SIGLECL1: variants seen among roughly 807,000 people sequenced by gnomAD.
SIGLECL1 encodes the protein SIGLEC family-like protein 1.
A neutral mutation model predicts 19.1 loss-of-function variants in SIGLECL1; 16 were observed. The ratio of observed to expected loss-of-function variants is 0.84; its 90% confidence interval spans 0.57 to 1.27. The LOEUF (loss-of-function observed/expected upper bound fraction) is 1.27, where lower values mean the gene tolerates loss of function less well. Among genes scored for constraint, SIGLECL1 ranks in the 50% most tolerant of loss-of-function variants. The pLI, the probability that SIGLECL1 is intolerant of heterozygous loss-of-function variation, is 0.00. For synonymous variants in SIGLECL1, 89 were observed against 90.4 expected (o/e 0.98, Z 0.09); for missense variants, 210 against 239.4 (o/e 0.88, Z 0.81).
chr19:51,265,719 A>T (rs1983605488), intron 3 of SIGLECL1, 58 bp from the exon 4 acceptor site: 9 of 1,613,314 alleles, frequency 5.6e-6, no homozygotes, highest in Non-Finnish European at 6.8e-6. Context: ...CTGGGGCTAG[A>T]GAATGGAGCA....
At chr19:51,266,587 T>C (rs1231590524) in intron 4 of SIGLECL1, among the ~76,000 whole-genome samples, 1 of 152,140 alleles carries the variant, frequency 6.6e-6, no homozygotes, top group African/African-American at 2.4e-5. Context: ...TATCTAACCT[T>C]TGTATGCAGA....
In SIGLECL1 at chr19:51,268,775, T is replaced by C; in HGVS notation, c.*178T>C. ...CACATCCCTTAACACTCATTCTCCATTGAATAGGTGGTTACTCTTAGACCT... is the reference window on the plus strand; with the variant it reads ...CACATCCCTTAACACTCATTCTCCACTGAATAGGTGGTTACTCTTAGACCT... On this transcript the variant is annotated 3_prime_UTR_variant, in exon 6 of 6. Transcript: ENST00000601727. 1 of 611,516 alleles carries C rather than the reference T, an allele frequency of 1.6e-6. No homozygotes were observed. The highest frequency in any genetic ancestry group is 2.9e-6 in the Non-Finnish European group (1 of 347,254). The allele number at this position is 611,516 out of a possible 1,614,324, so 37.9% of individuals were successfully genotyped here. A position where few individuals can be genotyped will look rare whatever the true frequency, so the allele number is the denominator to read the frequency against.
At chr19:51,252,867 G>A (rs1336716497) in intron 1 of SIGLECL1, among the ~76,000 whole-genome samples, 1 of 152,116 alleles carries the variant, frequency 6.6e-6, no homozygotes, top group East Asian at 1.9e-4. Context: ...GTTCACGGCT[G>A]CAATCCCAGC....
At chr19:51,267,715 G>A (rs1388688319) in intron 5 of SIGLECL1, among the ~76,000 whole-genome samples, 186 bp downstream of exon 5, 1 of 152,092 alleles carries the variant, frequency 6.6e-6, no homozygotes, top group Non-Finnish European at 1.5e-5. Flanking sequence ...AAGGATGAAA[G>A]TTAAGAGAAA....
At position 51,265,869 on chromosome 19, in the gene SIGLECL1, C is replaced by G. The variant is rs1443670209; in HGVS notation, c.397C>G (p.Leu133Val). The G allele has an allele frequency of 6.2e-7, 1 of 1,614,036 alleles. No homozygotes were observed. Among genetic ancestry groups the G allele is most frequent in the Admixed American group, 1.7e-5 (1 of 60,004 alleles). Residue 133 changes from leucine (L) to valine (V), a missense_variant, in exon 4 of 6, where the codon CTC becomes GTC. By Grantham distance (32) the Leu-to-Val change is conservative (BLOSUM62 1). Coordinates refer to ENST00000601727, the MANE Select transcript of SIGLECL1 (RefSeq NM_001385465.1). ...GIVIALLFLCLLPLIVKHIRK... is the reference protein window; with the variant it reads ...GIVIALLFLCVLPLIVKHIRK... ...TGTAATTGCGCTGCTCTTCCTCTGC[C>G]TCCTCCCTCTCATGTGAGTACTAGG...
intron 2 of SIGLECL1, 40 bp downstream of exon 2, chr19:51,264,134 A>C (rs1359903255): frequency 6.2e-7 from 1 of 1,613,216 alleles, no homozygotes. Context: ...TGTGTTTGGA[A>C]GCCAAGACTC....
Position 51,262,824 on chromosome 19 carries a change from A to G in SIGLECL1, c.-190-1059A>G, listed in dbSNP as rs554193355. Among the ~76,000 whole-genome samples, 11 of 152,286 alleles carry G rather than the reference A, an allele frequency of 7.2e-5. No homozygotes were observed. The South Asian group carries it at 2.1e-3, about 29-fold the overall frequency. Reference sequence around the variant, plus strand: ...TTTTTCTAACCATATAGCCTGTCCCATTGGTATTTTTATTTATCCTTGTGT... The same window carrying G: ...TTTTTCTAACCATATAGCCTGTCCCGTTGGTATTTTTATTTATCCTTGTGT... On this transcript the variant is annotated intron_variant, in intron 1 of 5. Coordinates refer to ENST00000601727, the MANE Select transcript of SIGLECL1 (RefSeq NM_001385465.1).
At chr19:51,254,642 G>T (rs1017816230) in intron 1 of SIGLECL1, among the ~76,000 whole-genome samples, 8 of 152,070 alleles carry the variant, frequency 5.3e-5, no homozygotes, top group African/African-American at 1.7e-4. Flanking sequence ...TGGAGTTGGG[G>T]TTTGGGGAAA....
In SIGLECL1 at chr19:51,265,528, G is replaced by T. The variant is rs1338646596; in HGVS notation, c.183G>T (p.Met61Ile). The T allele has an allele frequency of 4.3e-6, 7 of 1,614,018 alleles. No individual in the cohort carries two copies. In the South Asian group the frequency reaches 6.6e-5, roughly 15 times the overall value. Residue 61 changes from methionine (M) to isoleucine (I), a missense_variant, in exon 3 of 6, where the codon ATG (methionine) becomes ATT (isoleucine). By Grantham distance (10) the Met-to-Ile change is conservative. Coordinates refer to ENST00000601727, the MANE Select transcript of SIGLECL1 (RefSeq NM_001385465.1). ...GCAGCCTCCAAGTGACTTCCACCAT[G>T]CTTGGCCCCTGGGCTAACAGCACCA... is the stretch of plus-strand genomic sequence containing the variant. ...MDGSLQVTST[M>I]LGPWANSTIS...
At chr19:51,248,403 A>G (rs1599785903), upstream of SIGLECL1, among the ~76,000 whole-genome samples, 1 of 151,962 alleles carries the variant, frequency 6.6e-6, no homozygotes, top group Non-Finnish European at 1.5e-5. Flanking sequence ...CCGTTCCAAG[A>G]CCCCTTCCTC....
upstream of SIGLECL1, among the ~76,000 whole-genome samples, chr19:51,249,406 G>T (rs188254808): frequency 4.2e-3 from 635 of 152,152 alleles, 4 homozygotes; most frequent in African/African-American, 0.014. Flanking sequence ...TCTGCAAGCT[G>T]TAAGGGCCAT....
chr19:51,265,544 A>AACG lies in SIGLECL1; in HGVS notation c.201_202insGAC (p.Asn67_Ser68insAsp). The AACG allele has an allele frequency of 6.2e-7, 1 of 1,614,172 alleles. No individual in the cohort carries two copies. Among genetic ancestry groups the AACG allele is most frequent in the African/African-American group, 1.3e-5 (1 of 75,062 alleles). On this transcript the variant is annotated inframe_insertion, in exon 3 of 6. Transcript: ENST00000601727. Reference sequence around the variant, plus strand: ...TTCCACCATGCTTGGCCCCTGGGCTAACAGCACCATCAGCCTAACTGAAGA... The same window carrying AACG: ...TTCCACCATGCTTGGCCCCTGGGCTAACGACAGCACCATCAGCCTAACTGAAGA...
chr19:51,249,083 C>G (rs1982354762), upstream of SIGLECL1, among the ~76,000 whole-genome samples: 1 of 151,850 alleles, frequency 6.6e-6, no homozygotes, highest in Non-Finnish European at 1.5e-5. Flanking sequence ...ATAAAGATGG[C>G]AAAGGATATA....
upstream of SIGLECL1, among the ~76,000 whole-genome samples, chr19:51,247,710 G>C (rs1476263405): frequency 6.6e-6 from 1 of 152,172 alleles, no homozygotes; most frequent in Non-Finnish European, 1.5e-5. Flanking sequence ...GAGCCACCGT[G>C]TCCGGCCGTT....
At chr19:51,264,610 C>T (rs140212776) in intron 2 of SIGLECL1, among the ~76,000 whole-genome samples, 1 of 152,314 alleles carries the variant, frequency 6.6e-6, no homozygotes, top group East Asian at 1.9e-4. Flanking sequence ...TGTGTCAACA[C>T]TGAAGACAGA....
chr19:51,264,078 T>G lies in SIGLECL1; in HGVS notation c.6T>G (p.Leu2=). The G allele has an allele frequency of 3.7e-6, 6 of 1,614,064 alleles. No homozygotes were observed. The highest frequency in any genetic ancestry group is 5.1e-6 in the Non-Finnish European group (6 of 1,179,964). The part of the protein sequence containing the change: M[L]PLLQLVPAKL... ...AACTGTTGCTGCTGGAAGTGATGCT[T>G]CCACTGCTACAGCTGGGTAAGTAAG... Residue 2 remains leucine, a synonymous_variant, in exon 2 of 6, where the codon CTT becomes CTG. Coordinates refer to ENST00000601727, the MANE Select transcript of SIGLECL1 (RefSeq NM_001385465.1).
chr19:51,254,794 G>A (rs924489807), intron 1 of SIGLECL1, among the ~76,000 whole-genome samples: 1 of 151,714 alleles, frequency 6.6e-6, no homozygotes, highest in Non-Finnish European at 1.5e-5. Context: ...GTGAATTTAT[G>A]GTATATGAAT....
At chr19:51,264,367 T>G (rs564684209) in intron 2 of SIGLECL1, 1 of 381,416 alleles carries the variant, frequency 2.6e-6, no homozygotes, top group South Asian at 3.9e-5. Context: ...GTTTCAGACA[T>G]TACTGGAAGC....
At chr19:51,265,334 T>C (rs1347993718) in intron 2 of SIGLECL1, 34 bp from the exon 3 acceptor site, 6 of 1,565,816 alleles carry the variant, frequency 3.8e-6, no homozygotes, top group South Asian at 1.2e-5. Flanking sequence ...GAAGCCAGGA[T>C]GCCTTGCTGA....
Sources: allele counts gnomAD v4.1 joint callset (sites outside exome capture counted in the v4.1 genomes callset), GRCh38; gene constraint gnomAD v4.1.1; transcripts MANE v1.5; gene names NCBI Gene and HGNC (gene_info 2026-07-23, HGNC 2026-07-21).